Variants in PRH1 observed in about 807,000 individuals in gnomAD.
The protein encoded by PRH1 is proline rich protein HaeIII subfamily 1, also known as salivary acidic proline-rich phosphoprotein 1/2.
Under a neutral mutation model 7.9 loss-of-function variants are expected in PRH1, and 7 were observed. The observed-to-expected ratio is 0.89, with a 90% CI of 0.50 to 1.67. The LOEUF (loss-of-function observed/expected upper bound fraction) is 1.67, where lower values mean the gene tolerates loss of function less well. PRH1 is among the 40% of genes most tolerant of loss of function. The pLI, the probability that PRH1 is intolerant of heterozygous loss-of-function variation, is 0.00. For synonymous variants in PRH1, 45 were observed against 80.8 expected, an observed-to-expected ratio of 0.56 and a Z score of 2.38; for missense variants, 109 against 223.6, an observed-to-expected ratio of 0.49 and a Z score of 3.27.
chr12:10,950,056 T>C (rs1950545881), intron 2 of PRH1, among the ~76,000 whole-genome samples: 1 of 152,214 alleles, frequency 6.6e-6, no homozygotes, highest in African/African-American at 2.4e-5. Context: ...ATTTTCTTTG[T>C]TATATAAATT....
chr12:11,023,015 A>G (rs960920975), intron 1 of PRH1, among the ~76,000 whole-genome samples: 2 of 152,238 alleles, frequency 1.3e-5, no homozygotes, highest in African/African-American at 2.4e-5. Context: ...CATATATCAT[A>G]TAGTAAATGT....
At chr12:11,069,219 G>C (rs528792922) in intron 1 of PRH1, among the ~76,000 whole-genome samples, 1 of 151,780 alleles carries the variant, frequency 6.6e-6, no homozygotes, top group Non-Finnish European at 1.5e-5. Context: ...ATCCAACCTG[G>C]TACTGTTACT....
chr12:11,145,569 T>C (rs1039478323), intron 1 of PRH1, among the ~76,000 whole-genome samples: 2 of 152,186 alleles, frequency 1.3e-5, no homozygotes, highest in African/African-American at 2.4e-5. Flanking sequence ...ATTAAATTCC[T>C]GAAAATGTTA....
chr12:10,895,378 A>G (rs186090350), intron 2 of PRH1: 22 of 152,322 alleles, frequency 1.4e-4, no homozygotes, highest in African/African-American at 5.3e-4. Flanking sequence ...CCATATAATT[A>G]AATGTCAAGT....
intron 1 of PRH1, among the ~76,000 whole-genome samples, chr12:10,883,496 CTGAGTA>C (rs769145757): frequency 2.6e-5 from 4 of 152,068 alleles, no homozygotes; most frequent in Non-Finnish European, 5.9e-5. Context: ...TTAAACTGCT[CTGAGTA>C]TTTCAATGAC....
intron 2 of PRH1, among the ~76,000 whole-genome samples, chr12:10,942,406 G>A (rs1377368922): frequency 6.6e-6 from 1 of 152,130 alleles, no homozygotes; most frequent in Non-Finnish European, 1.5e-5. Context: ...TAGGGGGGAT[G>A]GGGCTGAGGT....
chr12:11,115,477 A>G (rs1945706552), intron 1 of PRH1, among the ~76,000 whole-genome samples: 1 of 152,218 alleles, frequency 6.6e-6, no homozygotes, highest in Admixed American at 6.5e-5. Context: ...CACTTTCAGC[A>G]TCAGACAGAT....
At chr12:10,962,062 A>C (rs1938263024) in intron 2 of PRH1, among the ~76,000 whole-genome samples, 1 of 152,150 alleles carries the variant, frequency 6.6e-6, no homozygotes, top group Non-Finnish European at 1.5e-5. Context: ...GCTGCCCTGG[A>C]CTTACCTTCC....
In PRH1 at chr12:10,948,030, A is replaced by T. The variant is rs144979807; in HGVS notation, c.-59+25625T>A. The stretch of plus-strand genomic sequence containing the variant: ...CGTGATAGAAATCCCTTTGTACGTG[A>T]CCTGCCCTTTCTCTCTGGCTGCCTT... On this transcript the variant is annotated intron_variant, in intron 2 of 3. Coordinates refer to the PRH1 transcript ENST00000539853. Among the ~76,000 whole-genome samples the T allele has an allele frequency of 8.8e-3, 1,343 of 152,228 alleles. 8 individuals are homozygous for T. The highest frequency in any genetic ancestry group is 0.013 in the South Asian group (65 of 4,820).
chr12:11,024,463 T>C (rs918162594), intron 1 of PRH1, among the ~76,000 whole-genome samples: 4 of 152,252 alleles, frequency 2.6e-5, no homozygotes, highest in Non-Finnish European at 4.4e-5. Context: ...ATATTCTTTA[T>C]ACTTTACCAA....
downstream of PRH1, among the ~76,000 whole-genome samples, chr12:11,120,091 C>G (rs764888186): frequency 1.8e-4 from 27 of 152,232 alleles, no homozygotes; most frequent in Non-Finnish European, 2.6e-4. Context: ...TTCCAGTTTC[C>G]TCTTTGAAAG....
intron 1 of PRH1, among the ~76,000 whole-genome samples, chr12:10,989,506 A>G (rs1262461760): frequency 6.6e-6 from 1 of 152,190 alleles, no homozygotes; most frequent in African/African-American, 2.4e-5. Context: ...TTCTCTTCAC[A>G]GACATAGAAA....
chr12:10,939,618 C>CCA (rs1262090882), intron 2 of PRH1, among the ~76,000 whole-genome samples: 22 of 137,994 alleles, frequency 1.6e-4, no homozygotes, highest in African/African-American at 5.7e-4. Flanking sequence ...GGGGAAGTAT[C>CCA]ATTACAAAAA....
chr12:11,092,460 C>G, intron 1 of PRH1: 1 of 290,868 alleles, frequency 3.4e-6, no homozygotes, highest in Middle Eastern at 7.4e-4. Context: ...GGTAGGTTGC[C>G]GCGGCTGGCT....
upstream of PRH1, among the ~76,000 whole-genome samples, chr12:11,050,046 A>T (rs1004287067): frequency 3.9e-5 from 6 of 152,166 alleles, no homozygotes; most frequent in African/African-American, 1.4e-4. Flanking sequence ...ACAATGAATA[A>T]TATTTATCAA....
At chr12:10,938,931 T>A in intron 2 of PRH1, 1 of 1,613,872 alleles carries the variant, frequency 6.2e-7, no homozygotes, top group Non-Finnish European at 8.5e-7. Flanking sequence ...CTAAAATGAT[T>A]GATCACTGTC....
chr12:11,108,323 A>C (rs1241630779), intron 1 of PRH1, among the ~76,000 whole-genome samples: 1 of 152,248 alleles, frequency 6.6e-6, no homozygotes, highest in African/African-American at 2.4e-5. Flanking sequence ...CATCACTTAA[A>C]TAGAAAAACT....
chr12:11,157,352 A>T (rs1786588813), intron 1 of PRH1, among the ~76,000 whole-genome samples: 1 of 152,196 alleles, frequency 6.6e-6, no homozygotes, highest in South Asian at 2.1e-4. Flanking sequence ...ACATGGCTTA[A>T]TATTTAAGTA....
chr12:11,141,281 T>C (rs1264238173), intron 1 of PRH1, among the ~76,000 whole-genome samples: 2 of 152,218 alleles, frequency 1.3e-5, no homozygotes, highest in African/African-American at 2.4e-5. Context: ...TATTGTTTAA[T>C]TAAAATGCTC....
Sources: gnomAD v4.1 joint callset for allele counts (sites outside exome capture counted in the v4.1 genomes callset) on GRCh38, gnomAD v4.1.1 for gene constraint, MANE v1.5 for transcripts, NCBI Gene and HGNC (gene_info 2026-07-23, HGNC 2026-07-21) for gene names.